The following PLPP3 variants were observed in gnomAD, a reference collection of about 807,000 sequenced individuals.
PLPP3 encodes phospholipid phosphatase 3, also known as PAP2 beta.
PLPP3 carries 6 observed loss-of-function variants against 29.6 expected under a neutral mutation model. That is an observed-to-expected ratio of 0.20 (90% CI 0.11 to 0.40). The LOEUF (loss-of-function observed/expected upper bound fraction) is 0.40, where lower values mean the gene tolerates loss of function less well. PLPP3 is among the 10% of genes least tolerant of loss of function. The pLI is 1.00. For missense variants in PLPP3, 308 were observed against 407.7 expected, an observed-to-expected ratio of 0.76 and a Z score of 2.11; for synonymous variants, 152 against 159.7, an observed-to-expected ratio of 0.95 and a Z score of 0.36.
At chr1:56,498,602 AAG>A (rs1645644919) in intron 5 of PLPP3, among the ~76,000 whole-genome samples, 1 of 151,662 alleles carries the variant, frequency 6.6e-6, no homozygotes, top group African/African-American at 2.4e-5. Context: ...GTCTCAGAGG[AAG>A]AGGTTTTGAT....
In PLPP3 at chr1:56,547,419, A is replaced by G. The variant is rs568369365; in HGVS notation, c.140-10307T>C. 2.6e-5 allele frequency among the ~76,000 whole-genome samples: 4 copies of G among 152,208 alleles called. No homozygotes were observed. The East Asian group carries it at 7.7e-4, about 29-fold the overall frequency. ...TCTAAATTTTAACCTAATCTCTCCC[A>G]CATCCCAAATCCTGTTTTTTAATGC... On this transcript the variant is annotated intron_variant, in intron 1 of 5. Transcript: ENST00000371250.
chr1:56,524,015 T>C lies in PLPP3; in HGVS notation c.576-135A>G, dbSNP rs1193572602. ...CTGTTCATTTTTGCATCCTTGGTAG[T>C]GCTTTGGACCCATGCCTGGAACATA... is the stretch of plus-strand genomic sequence containing the variant. On this transcript the variant is annotated intron_variant, in intron 3 of 5. Coordinates refer to ENST00000371250, the MANE Select transcript of PLPP3 (RefSeq NM_003713.5). This position sits in a 1 kb window ranked among gnomAD's most constrained non-coding sequence, Gnocchi z 4.3. The C allele has an allele frequency of 3.8e-6, 4 of 1,064,096 alleles. No homozygotes were observed. The African/African-American group carries it at 6.4e-5, about 17-fold the overall frequency. The allele number at this position is 1,064,096 out of a possible 1,614,324, so 65.9% of individuals were successfully genotyped here. A position where few individuals can be genotyped will look rare whatever the true frequency, so the allele number is the denominator to read the frequency against.
At chr1:56,523,996 AT>A (rs1645835951) in intron 3 of PLPP3, 116 bp from the exon 4 acceptor site, 4 of 1,229,132 alleles carry the variant, frequency 3.3e-6, no homozygotes, top group Non-Finnish European at 4.6e-6. Flanking sequence ...GGCCCTGTTC[AT>A]TTTTGCATCC....
At chr1:56,557,028 G>GAGAGAGAGAGAA (rs1646085788) in intron 1 of PLPP3, among the ~76,000 whole-genome samples, 1 of 11,732 alleles carries the variant, frequency 8.5e-5, no homozygotes, top group Non-Finnish European at 2.5e-4. Context: ...GAGAGAGAAA[G>GAGAGAGAGAGAA]AGAGAGAGAG....
intron 1 of PLPP3, among the ~76,000 whole-genome samples, chr1:56,569,135 C>T (rs1569610789): frequency 6.6e-6 from 1 of 152,048 alleles, no homozygotes; most frequent in East Asian, 1.9e-4. Context: ...TTTTATAAAA[C>T]TATTGTATTT....
intron 4 of PLPP3, among the ~76,000 whole-genome samples, chr1:56,514,259 T>C (rs1451644237): frequency 6.6e-6 from 1 of 151,632 alleles, no homozygotes; most frequent in Admixed American, 6.6e-5. Flanking sequence ...GAAGGGATAC[T>C]TGACCAGAAT....
chr1:56,496,793 C>A (rs1645634082), intron 5 of PLPP3, 117 bp from the exon 6 acceptor site: 4 of 1,004,028 alleles, frequency 4.0e-6, no homozygotes, highest in Non-Finnish European at 5.7e-6. Context: ...AATCATAACT[C>A]TTTGAATAGG....
chr1:56,514,435 G>A (rs1186551265), intron 4 of PLPP3, among the ~76,000 whole-genome samples: 1 of 152,118 alleles, frequency 6.6e-6, no homozygotes. Context: ...GAGCAGTGGT[G>A]AGAAATAGGG....
In PLPP3 at chr1:56,579,201, T is replaced by C. The variant is rs1310013974; in HGVS notation, c.-185A>G. 3 of 654,932 alleles carry C rather than the reference T, an allele frequency of 4.6e-6. No individual in the cohort carries two copies. Among genetic ancestry groups the C allele is most frequent in the Admixed American group, 3.7e-5 (1 of 26,764 alleles). 40.6% of individuals were successfully genotyped at this position (654,932 alleles called of 1,614,324 possible). ...TGCCTCCAACTGCAGAAGGTGGTGTTTTCTGCTCCTCCTGCGCGCCTCTGC... is the reference window on the plus strand; with the variant it reads ...TGCCTCCAACTGCAGAAGGTGGTGTCTTCTGCTCCTCCTGCGCGCCTCTGC... On this transcript the variant is annotated 5_prime_UTR_variant, in exon 1 of 6. Coordinates refer to ENST00000371250, the MANE Select transcript of PLPP3 (RefSeq NM_003713.5).
intron 5 of PLPP3, 145 bp downstream of exon 5, chr1:56,511,831 C>T (rs769552999): frequency 3.3e-6 from 3 of 901,906 alleles, no homozygotes; most frequent in Non-Finnish European, 5.2e-6. Context: ...AGTCCTAAGG[C>T]CTAAGGCCTA....
At chr1:56,498,176 G>C (rs981969570) in intron 5 of PLPP3, among the ~76,000 whole-genome samples, 8 of 152,232 alleles carry the variant, frequency 5.3e-5, no homozygotes, top group African/African-American at 1.9e-4. Flanking sequence ...AAAAAGTTAA[G>C]TCTTTTCTCC....
chr1:56,506,656 G>A (rs1645704088), intron 5 of PLPP3, among the ~76,000 whole-genome samples: 1 of 152,218 alleles, frequency 6.6e-6, no homozygotes, highest in Non-Finnish European at 1.5e-5. Flanking sequence ...AGATATGCAA[G>A]TTGTCACCAG....
At chr1:56,522,487 A>G (rs768391517) in intron 4 of PLPP3, among the ~76,000 whole-genome samples, 8 of 152,202 alleles carry the variant, frequency 5.3e-5, no homozygotes, top group Non-Finnish European at 1.2e-4. Flanking sequence ...TATCTTTGCT[A>G]AATTTTCCTT....
At chr1:56,497,214 G>C (rs753313826) in intron 5 of PLPP3, among the ~76,000 whole-genome samples, 1 of 152,192 alleles carries the variant, frequency 6.6e-6, no homozygotes, top group South Asian at 2.1e-4. Context: ...CCAGGTTCTC[G>C]TTGCTGAGAA....
intron 1 of PLPP3, among the ~76,000 whole-genome samples, chr1:56,578,645 A>G (rs1256174249): frequency 6.6e-6 from 1 of 152,142 alleles, no homozygotes; most frequent in Non-Finnish European, 1.5e-5. Flanking sequence ...ACAGTTGCCC[A>G]CGAACGCTTA....
chr1:56,494,818 A>G lies in PLPP3; in HGVS notation c.*1733T>C, dbSNP rs1211769611. On this transcript the variant is annotated 3_prime_UTR_variant, in exon 6 of 6. Coordinates refer to ENST00000371250, the MANE Select transcript of PLPP3 (RefSeq NM_003713.5). ...ACATTTAATACAAGTATAGTTTCGC[A>G]GATACAAGTTTTCACTTTGTATGCT... 1 of 152,688 alleles carries G rather than the reference A, an allele frequency of 6.5e-6. No individual in the cohort carries two copies. The highest frequency in any genetic ancestry group is 1.5e-5 in the Non-Finnish European group (1 of 68,046). 9.5% of individuals were successfully genotyped at this position (152,688 alleles called of 1,614,324 possible). A position where few individuals can be genotyped will look rare whatever the true frequency, so the allele number is the denominator to read the frequency against.
chr1:56,509,853 A>AAAAAT lies in PLPP3; in HGVS notation c.810+2122_810+2123insATTTT, dbSNP rs377448398. 5.6e-3 allele frequency among the ~76,000 whole-genome samples: 772 copies of AAAAAT among 139,012 alleles called. 29 individuals are homozygous for AAAAAT. Among genetic ancestry groups the AAAAAT allele is most frequent in the Middle Eastern group, 8.1e-3 (2 of 248 alleles). The allele number at this position is 139,012 out of a possible 152,430, so 91.2% of individuals were successfully genotyped here. A position where few individuals can be genotyped will look rare whatever the true frequency, so the allele number is the denominator to read the frequency against. On this transcript the variant is annotated intron_variant, in intron 5 of 5. Transcript: ENST00000371250. ...CTCTCAAAAAAAAAAAAAAAAAAAA[A>AAAAAT]GGAAGACAATGGGTAAAGTATCAGA...
rs568061515 is a variant in PLPP3 at position 56,496,242 on chromosome 1, T to C, written c.*309A>G. 37 of 219,300 alleles carry C rather than the reference T, an allele frequency of 1.7e-4. No homozygotes were observed. In the South Asian group the frequency reaches 2.3e-3, roughly 14 times the overall value. 13.6% of individuals were successfully genotyped at this position (219,300 alleles called of 1,614,324 possible). ...CTGGGATTCCTCAGGTCACAAAAGG[T>C]GACCAGCAGCCTCTACTCAAATCGT... On this transcript the variant is annotated 3_prime_UTR_variant, in exon 6 of 6. Coordinates refer to ENST00000371250, the MANE Select transcript of PLPP3 (RefSeq NM_003713.5).
At chr1:56,557,032 G>GAGAA (rs1646086289) in intron 1 of PLPP3, among the ~76,000 whole-genome samples, 1 of 11,098 alleles carries the variant, frequency 9.0e-5, no homozygotes, top group Non-Finnish European at 3.0e-4. Context: ...GAGAAAGAGA[G>GAGAA]AGAGAGAGAG....
Sources: allele counts gnomAD v4.1 joint callset (sites outside exome capture counted in the v4.1 genomes callset), GRCh38; gene constraint gnomAD v4.1.1; non-coding constraint Gnocchi (gnomAD v3.1); transcripts MANE v1.5; gene names NCBI Gene and HGNC (gene_info 2026-07-23, HGNC 2026-07-21).